Variants in MPP7 observed in about 807,000 individuals in gnomAD.
MPP7 encodes MAGUK p55 scaffold protein 7.
In MPP7, 60 loss-of-function variants were observed where a neutral mutation model predicts 76.5. The ratio of observed to expected loss-of-function variants is 0.78; its 90% confidence interval spans 0.64 to 0.97. The LOEUF is 0.97. MPP7 is among the 50% of genes least tolerant of loss of function. The probability of loss-of-function intolerance (pLI) is 0.00; values close to 1 mark genes in which losing one functional copy is unlikely to be tolerated. For missense variants in MPP7, 641 were observed against 694.0 expected, an observed-to-expected ratio of 0.92 and a Z score of 0.86; for synonymous variants, 237 against 244.5, an observed-to-expected ratio of 0.97 and a Z score of 0.29.
chr10:28,235,276 CA>C (rs1287732205), intron 2 of MPP7, among the ~76,000 whole-genome samples: 2 of 152,092 alleles, frequency 1.3e-5, no homozygotes, highest in African/African-American at 4.8e-5. Context: ...AATCATGTAT[CA>C]ATATCATTTC....
intron 3 of MPP7, among the ~76,000 whole-genome samples, chr10:28,171,262 C>CA (rs1248718497): frequency 2.0e-5 from 3 of 151,920 alleles, no homozygotes; most frequent in Non-Finnish European, 4.4e-5. Flanking sequence ...CCAATTTTCT[C>CA]AAAAAAGAAA....
intron 1 of MPP7, among the ~76,000 whole-genome samples, chr10:28,277,393 A>T (rs781112709): frequency 6.6e-6 from 1 of 151,800 alleles, no homozygotes; most frequent in Non-Finnish European, 1.5e-5. Context: ...AAAAAAATAA[A>T]TTTTTTAAAA....
intron 2 of MPP7, among the ~76,000 whole-genome samples, chr10:28,225,855 C>T (rs1485672103): frequency 6.6e-6 from 1 of 152,072 alleles, no homozygotes; most frequent in Non-Finnish European, 1.5e-5. Context: ...ATTTTTTAAA[C>T]CCAGTGACTT....
At chr10:28,078,824 T>C (rs1020059952) in intron 12 of MPP7, among the ~76,000 whole-genome samples, 1 of 152,232 alleles carries the variant, frequency 6.6e-6, no homozygotes, top group African/African-American at 2.4e-5. Flanking sequence ...ATGTGTTGCA[T>C]GGTTTTATAA....
Position 28,056,563 on chromosome 10 carries a change from A to G in MPP7, c.1468T>C (p.Ser490Pro). 1 of 1,611,708 alleles carries G rather than the reference A, an allele frequency of 6.2e-7. No individual in the cohort carries two copies. The highest frequency in any genetic ancestry group is 8.5e-7 in the Non-Finnish European group (1 of 1,179,508). The change falls in exon 16 of 17, where the codon TCA becomes CCA. Residue 490 changes from serine to proline, a missense_variant. Transcript: ENST00000683449. ...KPYVIFIKPP[S>P]IERLRETRKN... is the part of the protein sequence containing the mutation. ...CTTGTTTCTCTCAAACGCTCTATTG[A>G]TGGAGGCTTTATAAATATCACATAG...
intron 2 of MPP7, among the ~76,000 whole-genome samples, chr10:28,226,648 A>T (rs1838701022): frequency 6.7e-6 from 1 of 150,006 alleles, no homozygotes; most frequent in Non-Finnish European, 1.5e-5. Context: ...GAATACAATT[A>T]ATTACACTAA....
chr10:28,306,685 A>AGAGAGAG (rs1554869511), upstream of MPP7, among the ~76,000 whole-genome samples: 1 of 150,174 alleles, frequency 6.7e-6, no homozygotes, highest in Non-Finnish European at 1.5e-5. Context: ...AGAGAGAGAG[A>AGAGAGAG]TGATAGATAA....
At chr10:28,289,593 A>G (rs934236829) in intron 1 of MPP7, among the ~76,000 whole-genome samples, 1 of 152,192 alleles carries the variant, frequency 6.6e-6, no homozygotes, top group Non-Finnish European at 1.5e-5. Flanking sequence ...TCACAAATAC[A>G]GTGTCTAAGG....
intron 1 of MPP7, among the ~76,000 whole-genome samples, chr10:28,288,444 T>A (rs559716591): frequency 6.6e-6 from 1 of 152,310 alleles, no homozygotes; most frequent in Admixed American, 6.5e-5. Context: ...TCTCACTATG[T>A]TGCCCAGGCT....
At chr10:28,303,127 C>T (rs993890836), upstream of MPP7, among the ~76,000 whole-genome samples, 4 of 150,146 alleles carry the variant, frequency 2.7e-5, no homozygotes, top group African/African-American at 9.7e-5. Flanking sequence ...CTGCACCGCC[C>T]GCGGGTAAGA....
At chr10:28,135,679 T>C (rs1466321077) in intron 5 of MPP7, among the ~76,000 whole-genome samples, 2 of 152,136 alleles carry the variant, frequency 1.3e-5, no homozygotes, top group Non-Finnish European at 2.9e-5. Context: ...TCATAATTCA[T>C]AGGCACTGAG....
At chr10:28,114,696 T>C (rs1834607558) in intron 11 of MPP7, among the ~76,000 whole-genome samples, 1 of 152,114 alleles carries the variant, frequency 6.6e-6, no homozygotes, top group South Asian at 2.1e-4. Flanking sequence ...CAATCCGTCC[T>C]AAAAGTCTGC....
At chr10:28,132,815 G>A (rs1369779765) in intron 5 of MPP7, among the ~76,000 whole-genome samples, 1 of 145,412 alleles carries the variant, frequency 6.9e-6, no homozygotes, top group Non-Finnish European at 1.6e-5. Context: ...GCCCAGGCTG[G>A]TCTTGAACTC....
intron 1 of MPP7, among the ~76,000 whole-genome samples, chr10:28,269,101 T>C (rs533615526): frequency 1.2e-3 from 183 of 152,352 alleles, no homozygotes; most frequent in Admixed American, 1.8e-3. Context: ...TGATTACTTA[T>C]GACTGAAGCC....
At chr10:28,259,034 A>G (rs1839872180) in intron 1 of MPP7, among the ~76,000 whole-genome samples, 1 of 152,166 alleles carries the variant, frequency 6.6e-6, no homozygotes, top group Non-Finnish European at 1.5e-5. Context: ...TACAGGTGAA[A>G]CTGCACCTCT....
At chr10:28,216,987 A>G (rs1838330407) in intron 2 of MPP7, among the ~76,000 whole-genome samples, 1 of 151,992 alleles carries the variant, frequency 6.6e-6, no homozygotes, top group Admixed American at 6.6e-5. Context: ...CTTGATTTTG[A>G]GCCTTTTAAC....
At chr10:28,155,988 G>A (rs912213440) in intron 3 of MPP7, among the ~76,000 whole-genome samples, 1 of 151,986 alleles carries the variant, frequency 6.6e-6, no homozygotes, top group African/African-American at 2.4e-5. Flanking sequence ...AAACATATAG[G>A]CCCATTGTAC....
intron 3 of MPP7, among the ~76,000 whole-genome samples, chr10:28,183,362 T>C (rs1303495831): frequency 6.6e-6 from 1 of 152,160 alleles, no homozygotes; most frequent in Non-Finnish European, 1.5e-5. Flanking sequence ...TTCATAACAT[T>C]TTAAGGGAAA....
intron 2 of MPP7, among the ~76,000 whole-genome samples, chr10:28,210,294 T>C (rs955966023): frequency 6.6e-6 from 1 of 152,180 alleles, no homozygotes; most frequent in African/African-American, 2.4e-5. Flanking sequence ...GTAATCACAG[T>C]TTTTACTACA....
Sources: gnomAD v4.1 joint callset for allele counts (sites outside exome capture counted in the v4.1 genomes callset) on GRCh38, gnomAD v4.1.1 for gene constraint, MANE v1.5 for transcripts, NCBI Gene and HGNC (gene_info 2026-07-23, HGNC 2026-07-21) for gene names.